RAB44: variants seen among roughly 807,000 people sequenced by gnomAD.
RAB44 encodes the protein RAB44, member RAS oncogene family, also known as ras-related protein Rab-44.
A neutral mutation model predicts 93.3 loss-of-function variants in RAB44; 67 were observed. The ratio of observed to expected loss-of-function variants is 0.72; its 90% CI spans 0.59 to 0.88. The LOEUF (loss-of-function observed/expected upper bound fraction) is 0.88. RAB44 is among the 40% of genes least tolerant of loss of function. RAB44 has a pLI of 0.00. For missense variants in RAB44, 1,064 were observed against 1,261.7 expected, an observed-to-expected ratio of 0.84 and a Z score of 2.37; for synonymous variants, 427 against 520.3, an observed-to-expected ratio of 0.82 and a Z score of 2.44.
chr6:36,699,940 A>G (rs974550737), intron 1 of RAB44, among the ~76,000 whole-genome samples: 12 of 152,216 alleles, frequency 7.9e-5, no homozygotes, highest in African/African-American at 2.2e-4. Flanking sequence ...TTTGCAGAGT[A>G]CCAACTGTGT....
chr6:36,705,944 G>A (rs1203642700), intron 2 of RAB44, among the ~76,000 whole-genome samples: 1 of 151,598 alleles, frequency 6.6e-6, no homozygotes, highest in Non-Finnish European at 1.5e-5. Context: ...CTGTTACCCA[G>A]GATGGAGTGC....
chr6:36,716,488 A>AAT (rs1491319202), intron 4 of RAB44, among the ~76,000 whole-genome samples: 1 of 147,500 alleles, frequency 6.8e-6, no homozygotes, highest in African/African-American at 2.5e-5. Context: ...AAAAAAAAAA[A>AAT]GAGAGAGATA....
At position 36,718,966 on chromosome 6, in the gene RAB44, G is replaced by A. The variant is rs533968843; in HGVS notation, c.828+378G>A. Among the ~76,000 whole-genome samples the A allele has an allele frequency of 2.0e-5, 3 of 151,680 alleles. No individual in the cohort carries two copies. The South Asian group carries it at 6.2e-4, about 32-fold the overall frequency. ...GTCACCCAGGCTGGAGTGCAGTGGC[G>A]CAGTCTTGGCTCACTGCAAGCTCCG... is the stretch of plus-strand genomic sequence containing the variant. On this transcript the variant is annotated intron_variant, in intron 7 of 13. Coordinates refer to ENST00000612677, the MANE Select transcript of RAB44 (RefSeq NM_001257357.2).
In RAB44 at chr6:36,722,383, C is replaced by A. The variant is rs1763113264; in HGVS notation, c.2249C>A (p.Ala750Asp). 7.3e-7 allele frequency: 1 copy of A among 1,369,588 alleles called. No individual in the cohort carries two copies. The highest frequency in any genetic ancestry group is 9.4e-7 in the Non-Finnish European group (1 of 1,063,212). 84.8% of individuals were successfully genotyped at this position (1,369,588 alleles called of 1,614,324 possible). Residue 750 changes from alanine (A) to aspartate (D), a missense_variant, in exon 9 of 14, where the codon GCT becomes GAT. By Grantham distance (126) the Ala-to-Asp change is moderately radical. Transcript: ENST00000612677. ...APPRGSPPRG[A>D]QPGAGAGPQE... The stretch of plus-strand genomic sequence containing the variant: ...CCAAGGGGCTCTCCTCCCAGGGGGG[C>A]TCAGCCTGGGGCTGGAGCAGGACCC...
chr6:36,716,327 G>T (rs376078913), intron 4 of RAB44, among the ~76,000 whole-genome samples: 1 of 152,020 alleles, frequency 6.6e-6, no homozygotes, highest in African/African-American at 2.4e-5. Context: ...AAAATTAGCC[G>T]GGCGTGGTGG....
At chr6:36,728,581 A>G (rs999354126) in intron 11 of RAB44, 119 bp from the exon 12 acceptor site, 26 of 727,140 alleles carry the variant, frequency 3.6e-5, no homozygotes, top group Non-Finnish European at 6.1e-5. Context: ...AAGGTTATGG[A>G]GTGGATGTGG....
chr6:36,713,902 G>A lies in RAB44; in HGVS notation c.282G>A (p.Lys94=), dbSNP rs1460683499. The A allele has an allele frequency of 6.5e-7, 1 of 1,535,890 alleles. No individual in the cohort carries two copies. Among genetic ancestry groups the A allele is most frequent in the Non-Finnish European group, 8.7e-7 (1 of 1,146,660 alleles). Residue 94 remains lysine (K), a synonymous_variant, in exon 3 of 14, where the codon AAG becomes AAA. Transcript: ENST00000612677. ...MIFDWVDVER[K]GHLSLEEFSS... ...TCGACTGGGTGGATGTGGAGCGGAA[G>A]GGACACCTGTCCCTTGAAGAATTCA...
chr6:36,701,577 T>A (rs548970716), intron 1 of RAB44, among the ~76,000 whole-genome samples: 1 of 152,328 alleles, frequency 6.6e-6, no homozygotes, highest in East Asian at 1.9e-4. Context: ...AGCTCACTGC[T>A]AAGCTATGTC....
chr6:36,706,564 C>T (rs1035528136), intron 2 of RAB44, among the ~76,000 whole-genome samples: 1 of 152,118 alleles, frequency 6.6e-6, no homozygotes, highest in Non-Finnish European at 1.5e-5. Context: ...GTAGGCTTGT[C>T]ACACCTGATT....
rs572462880 is a variant in RAB44 at position 36,715,891 on chromosome 6, C to A, written c.494+238C>A. Among the ~76,000 whole-genome samples the A allele has an allele frequency of 3.3e-5, 5 of 152,316 alleles. No homozygotes were observed. The East Asian group carries it at 7.7e-4, about 24-fold the overall frequency. ...GGGTTAAAACCACGTGCAGAGGATG[C>A]CTGCTCATGGGGAGTCCTTCCCACC... On this transcript the variant is annotated intron_variant, in intron 4 of 13. Coordinates refer to ENST00000612677, the MANE Select transcript of RAB44 (RefSeq NM_001257357.2).
chr6:36,713,751 G>GACAA (rs1762841742), intron 2 of RAB44, 77 bp from the exon 3 acceptor site: 1 of 911,972 alleles, frequency 1.1e-6, no homozygotes, highest in Non-Finnish European at 1.7e-6. Flanking sequence ...GGTGGCTGAA[G>GACAA]ACAAACATCT....
chr6:36,728,425 A>G (rs1763286673), intron 11 of RAB44, among the ~76,000 whole-genome samples: 1 of 152,200 alleles, frequency 6.6e-6, no homozygotes, highest in South Asian at 2.1e-4. Context: ...CAAGTGCTGG[A>G]CTGTTCAGAA....
chr6:36,706,165 G>A (rs867184657), intron 2 of RAB44, among the ~76,000 whole-genome samples: 1 of 152,116 alleles, frequency 6.6e-6, no homozygotes, highest in African/African-American at 2.4e-5. Context: ...TTTCACACCT[G>A]CTGAGATTAC....
intron 1 of RAB44, among the ~76,000 whole-genome samples, chr6:36,703,785 A>C (rs570194291): frequency 1.3e-5 from 2 of 152,236 alleles, no homozygotes; most frequent in East Asian, 3.9e-4. Flanking sequence ...ATGAGCAAGA[A>C]GAGTCATCAG....
chr6:36,707,551 C>T lies in RAB44; in HGVS notation c.207+3109C>T, dbSNP rs138144322. 7.6e-3 allele frequency among the ~76,000 whole-genome samples: 1,141 copies of T among 150,284 alleles called. 2 individuals are homozygous for T. The highest frequency in any genetic ancestry group is 0.012 in the Non-Finnish European group (772 of 67,066). ...ACCATGTAATCAATTATTGTTCTGC[C>T]GGATCTTGGGTAAGCTGTCTGCTTT... On this transcript the variant is annotated intron_variant, in intron 2 of 13. Transcript: ENST00000612677.
intron 10 of RAB44, 72 bp downstream of exon 10, chr6:36,726,015 C>A (rs767580285): frequency 1.6e-6 from 2 of 1,216,188 alleles, no homozygotes; most frequent in Non-Finnish European, 1.2e-6. Context: ...CAGGGAGCAG[C>A]CCTAATAACA....
At chr6:36,708,625 A>C (rs1477073330) in intron 2 of RAB44, among the ~76,000 whole-genome samples, 1 of 152,168 alleles carries the variant, frequency 6.6e-6, no homozygotes, top group African/African-American at 2.4e-5. Flanking sequence ...AGAAGAAGGT[A>C]ATATGATTAC....
chr6:36,717,506 C>T lies in RAB44; in HGVS notation c.641+87C>T. On this transcript the variant is annotated intron_variant, in intron 5 of 13. Coordinates refer to ENST00000612677, the MANE Select transcript of RAB44 (RefSeq NM_001257357.2). This position sits in a 1 kb window ranked among gnomAD's most constrained non-coding sequence, Gnocchi z 4.1. Reference sequence around the variant, plus strand: ...ATCTGGTTGAATTTCCCCAGCTCCTCCTGCAGCTGGGCCTGTGAGCTGGAT... The same window carrying T: ...ATCTGGTTGAATTTCCCCAGCTCCTTCTGCAGCTGGGCCTGTGAGCTGGAT... 1 of 1,200,364 alleles carries T rather than the reference C, an allele frequency of 8.3e-7. No individual in the cohort carries two copies. The highest frequency in any genetic ancestry group is 1.0e-6 in the Non-Finnish European group (1 of 959,954). 74.4% of individuals were successfully genotyped at this position (1,200,364 alleles called of 1,614,324 possible).
intron 12 of RAB44, among the ~76,000 whole-genome samples, chr6:36,729,097 T>C (rs1185376993): frequency 2.0e-5 from 3 of 152,192 alleles, no homozygotes; most frequent in Admixed American, 6.5e-5. Flanking sequence ...CCCACCTACA[T>C]AAGAAATAGC....
Sources: gnomAD v4.1 joint callset for allele counts (sites outside exome capture counted in the v4.1 genomes callset) on GRCh38, gnomAD v4.1.1 for gene constraint, Gnocchi (gnomAD v3.1) non-coding constraint, MANE v1.5 for transcripts, NCBI Gene and HGNC (gene_info 2026-07-23, HGNC 2026-07-21) for gene names.